The following RIN3 variants were observed in gnomAD, a reference collection of about 807,000 sequenced individuals.
RIN3 encodes RAB5 interacting protein 3.
RIN3 carries 54 observed loss-of-function variants against 76.3 expected under a neutral mutation model. The ratio of observed to expected loss-of-function variants is 0.71; its 90% CI spans 0.57 to 0.89. RIN3 has a LOEUF of 0.89. RIN3 is among the 40% of genes least tolerant of loss of function. RIN3 has a pLI of 0.00. For synonymous variants in RIN3, 576 were observed against 564.0 expected, an observed-to-expected ratio of 1.02 and a Z score of -0.30; for missense variants, 1,256 against 1,322.1, an observed-to-expected ratio of 0.95 and a Z score of 0.78.
intron 1 of RIN3, among the ~76,000 whole-genome samples, chr14:92,518,454 G>C (rs1481057441): frequency 6.6e-6 from 1 of 152,178 alleles, no homozygotes; most frequent in Non-Finnish European, 1.5e-5. Context: ...CCCAGGGCTT[G>C]GGGGGCTAGG....
chr14:92,664,617 G>A (rs145480203), intron 7 of RIN3, among the ~76,000 whole-genome samples: 8 of 151,746 alleles, frequency 5.3e-5, no homozygotes, highest in East Asian at 3.9e-4. Flanking sequence ...TGTTCTGCCC[G>A]CCTCGGCCTC....
At chr14:92,613,502 A>G (rs950246892) in intron 3 of RIN3, among the ~76,000 whole-genome samples, 1 of 152,220 alleles carries the variant, frequency 6.6e-6, no homozygotes, top group African/African-American at 2.4e-5. Context: ...ACAGTGTTTG[A>G]TATGCAGAAA....
rs1022626970 is a variant in RIN3, at chr14:92,643,568, G to C, written c.532+2239G>C. Among the ~76,000 whole-genome samples the C allele has an allele frequency of 3.3e-5, 5 of 152,132 alleles. No homozygotes were observed. Among genetic ancestry groups the C allele is most frequent in the Non-Finnish European group, 7.3e-5 (5 of 68,040 alleles). On this transcript the variant is annotated intron_variant, in intron 5 of 9. Transcript: ENST00000216487. The surrounding 1 kb of genome is among the most constrained non-coding windows in gnomAD (Gnocchi z 4.8). ...TAAGGTGCAGATGACCTCCCCCTAG[G>C]GGTTCGATGACACCGACCATTGCAG...
intron 1 of RIN3, among the ~76,000 whole-genome samples, chr14:92,531,864 T>G (rs1378331576): frequency 1.4e-5 from 2 of 147,190 alleles, no homozygotes; most frequent in African/African-American, 5.0e-5. Context: ...CTCGCCCCCC[T>G]AGTTATTTTA....
At chr14:92,566,877 C>A (rs564673795) in intron 2 of RIN3, among the ~76,000 whole-genome samples, 1 of 152,296 alleles carries the variant, frequency 6.6e-6, no homozygotes, top group African/African-American at 2.4e-5. Context: ...TTCTCATCTG[C>A]ATGGAGGGTG....
At chr14:92,518,024 G>A (rs1566823818) in intron 1 of RIN3, among the ~76,000 whole-genome samples, 1 of 152,162 alleles carries the variant, frequency 6.6e-6, no homozygotes, top group Non-Finnish European at 1.5e-5. Context: ...CCTCTCCAAC[G>A]TGCAGAGCTT....
intron 2 of RIN3, among the ~76,000 whole-genome samples, chr14:92,560,673 A>G (rs577282584): frequency 3.9e-5 from 6 of 152,202 alleles, no homozygotes; most frequent in African/African-American, 1.4e-4. Context: ...TTGCTTCACA[A>G]CAGCGGTCCC....
chr14:92,545,324 A>G (rs1249349389), intron 1 of RIN3, among the ~76,000 whole-genome samples: 2 of 151,752 alleles, frequency 1.3e-5, no homozygotes, highest in East Asian at 3.9e-4. Context: ...GTGAGCCAGG[A>G]TGGTCTTGAT....
chr14:92,628,685 G>A (rs1427972797), intron 4 of RIN3, among the ~76,000 whole-genome samples: 1 of 152,204 alleles, frequency 6.6e-6, no homozygotes, highest in Non-Finnish European at 1.5e-5. Flanking sequence ...CAGTTGAATA[G>A]GAGAAGGGAA....
intron 4 of RIN3, among the ~76,000 whole-genome samples, chr14:92,632,355 C>T (rs1019495815): frequency 1.3e-5 from 2 of 152,118 alleles, no homozygotes; most frequent in African/African-American, 4.8e-5. Flanking sequence ...GCTGCGACTG[C>T]CCACAGAGCT....
At chr14:92,607,596 G>A (rs997098463) in intron 3 of RIN3, among the ~76,000 whole-genome samples, 2 of 152,174 alleles carry the variant, frequency 1.3e-5, no homozygotes, top group Admixed American at 6.5e-5. Flanking sequence ...GCAACAGAGT[G>A]AGACCCCTTC....
chr14:92,569,563 C>T (rs1898008225), intron 2 of RIN3, among the ~76,000 whole-genome samples: 1 of 151,916 alleles, frequency 6.6e-6, no homozygotes, highest in African/African-American at 2.4e-5. Context: ...GCTGGAGGAT[C>T]TCCCTCTGAG....
At position 92,688,602 on chromosome 14, in the gene RIN3, C is replaced by A. The variant is rs1888969887; in HGVS notation, c.*350C>A. On this transcript the variant is annotated 3_prime_UTR_variant, in exon 10 of 10. Coordinates refer to ENST00000216487, the MANE Select transcript of RIN3 (RefSeq NM_024832.5). ...CCCCATGAGTCCCCCACACCCACCC[C>A]ATCCTCGGTCTTTGCAAAGAAGGGC... 2 of 309,436 alleles carry A rather than the reference C, an allele frequency of 6.5e-6. No homozygotes were observed. Among genetic ancestry groups the A allele is most frequent in the South Asian group, 5.6e-5 (1 of 17,848 alleles). The allele number at this position is 309,436 out of a possible 1,614,324, so 19.2% of individuals were successfully genotyped here.
At position 92,676,622 on chromosome 14, in the gene RIN3, C is replaced by A. The variant is rs541089042; in HGVS notation, c.2467+16C>A. On this transcript the variant is annotated intron_variant, in intron 8 of 9. Coordinates refer to ENST00000216487, the MANE Select transcript of RIN3 (RefSeq NM_024832.5). The stretch of plus-strand genomic sequence containing the variant: ...CTGGGGGAGGGTGAGTCACCACCCC[C>A]TGCCCATCAGGTGCATTGCACACCC... 6.2e-6 allele frequency: 10 copies of A among 1,611,232 alleles called. No individual in the cohort carries two copies. In the East Asian group the frequency reaches 2.2e-4, roughly 36 times the overall value.
At position 92,671,810 on chromosome 14, in the gene RIN3, C is replaced by A. The variant is rs140993577; in HGVS notation, c.2336-4665C>A. ...TGGACATTTGGGGTGTCCTCTGCAT[C>A]CCAGGATGTCATCAGCACCAGTGTT... On this transcript the variant is annotated intron_variant, in intron 7 of 9. Transcript: ENST00000216487. Among the ~76,000 whole-genome samples, 13 of 152,300 alleles carry A rather than the reference C, an allele frequency of 8.5e-5. No individual in the cohort carries two copies. In the East Asian group the frequency reaches 2.5e-3, roughly 29 times the overall value.
rs576683908 is a variant in RIN3, at chr14:92,537,634, C to CTTTTTTTTTTTTTTTTTTTTTTTTT, written c.45-18114_45-18090dup. Among the ~76,000 whole-genome samples the CTTTTTTTTTTTTTTTTTTTTTTTTT allele has an allele frequency of 2.5e-4, 13 of 51,640 alleles. 1 individual carries two copies. The highest frequency in any genetic ancestry group is 7.9e-4 in the East Asian group (1 of 1,266). 33.9% of individuals were successfully genotyped at this position (51,640 alleles called of 152,430 possible). A position where few individuals can be genotyped will look rare whatever the true frequency, so the allele number is the denominator to read the frequency against. On this transcript the variant is annotated intron_variant, in intron 1 of 9. Coordinates refer to ENST00000216487, the MANE Select transcript of RIN3 (RefSeq NM_024832.5). Reference sequence around the variant, plus strand: ...CAGCTATAAGTGAGTGCCTTAGGGACTTTTTTTTTTTTTTTTTTTTTTTTT... The same window carrying CTTTTTTTTTTTTTTTTTTTTTTTTT: ...CAGCTATAAGTGAGTGCCTTAGGGACTTTTTTTTTTTTTTTTTTTTTTTTTTTTTTTTTTTTTTTTTTTTTTTTTT...
chr14:92,662,292 C>G (rs1887916542), intron 7 of RIN3, among the ~76,000 whole-genome samples: 1 of 142,362 alleles, frequency 7.0e-6, no homozygotes, highest in South Asian at 2.2e-4. Context: ...AAGCAGCAGT[C>G]AGACTGGATC....
chr14:92,575,771 G>A (rs574075709), intron 2 of RIN3, among the ~76,000 whole-genome samples: 10 of 152,230 alleles, frequency 6.6e-5, no homozygotes, highest in East Asian at 3.9e-4. Flanking sequence ...TCTTTACCAC[G>A]TCCTGTTTTG....
At chr14:92,551,030 T>C (rs999799548) in intron 1 of RIN3, among the ~76,000 whole-genome samples, 1 of 152,242 alleles carries the variant, frequency 6.6e-6, no homozygotes, top group African/African-American at 2.4e-5. Context: ...TACTTTTTAA[T>C]GTATTTCATA....
Sources: allele counts gnomAD v4.1 joint callset (sites outside exome capture counted in the v4.1 genomes callset), GRCh38; gene constraint gnomAD v4.1.1; non-coding constraint Gnocchi (gnomAD v3.1); transcripts MANE v1.5; gene names NCBI Gene and HGNC (gene_info 2026-07-23, HGNC 2026-07-21).